CYP2B6: variants seen among roughly 807,000 people sequenced by gnomAD.
CYP2B6 encodes the protein cytochrome P450 family 2 subfamily B member 6.
A neutral mutation model predicts 43.4 loss-of-function variants in CYP2B6; 35 were observed. That is an observed-to-expected ratio of 0.81 (90% CI 0.62 to 1.07). The LOEUF is 1.07. Ranked by LOEUF, CYP2B6 falls within the 50% of genes least tolerant of loss-of-function variation. The probability of loss-of-function intolerance (pLI) is 0.00; values close to 1 mark genes in which losing one functional copy is unlikely to be tolerated. For missense variants in CYP2B6, 624 were observed against 632.8 expected, an observed-to-expected ratio of 0.99 and a Z score of 0.15; for synonymous variants, 239 against 239.2, an observed-to-expected ratio of 1.00 and a Z score of 0.01.
At chr19:40,995,541 T>A (rs909144460) in intron 1 of CYP2B6, among the ~76,000 whole-genome samples, 1 of 152,192 alleles carries the variant, frequency 6.6e-6, no homozygotes, top group African/African-American at 2.4e-5. Flanking sequence ...CATCAACCGA[T>A]GTGTCATCAA....
intron 4 of CYP2B6, 107 bp from the exon 5 acceptor site, chr19:41,009,112 T>TG: frequency 1.2e-6 from 1 of 832,522 alleles, no homozygotes; most frequent in South Asian, 1.4e-5. Context: ...CAGAGGGGAG[T>TG]GGGGAAGTGG....
chr19:41,009,115 G>A, intron 4 of CYP2B6, 104 bp from the exon 5 acceptor site: 1 of 872,736 alleles, frequency 1.1e-6, no homozygotes, highest in Non-Finnish European at 1.9e-6. Flanking sequence ...AGGGGAGTGG[G>A]GAAGTGGGGT....
chr19:40,993,946 GT>G (rs2144656923), intron 1 of CYP2B6, among the ~76,000 whole-genome samples: 1 of 152,180 alleles, frequency 6.6e-6, no homozygotes, highest in East Asian at 1.9e-4. Flanking sequence ...TGCCACAAAT[GT>G]TCTCATCTCA....
intron 3 of CYP2B6, among the ~76,000 whole-genome samples, chr19:41,006,418 T>G (rs1438986783): frequency 6.8e-6 from 1 of 146,978 alleles, no homozygotes; most frequent in South Asian, 2.1e-4. Context: ...GCTCCCGAAG[T>G]GCTGGGTTTA....
intron 1 of CYP2B6, among the ~76,000 whole-genome samples, chr19:40,992,011 G>A (rs1388340159): frequency 6.6e-6 from 1 of 151,976 alleles, no homozygotes; most frequent in African/African-American, 2.4e-5. Flanking sequence ...AGACCAGCCT[G>A]GCCAACATGG....
Position 41,000,862 on chromosome 19 carries a change from A to G in CYP2B6, c.172-3139A>G, listed in dbSNP as rs185963139. ...GAGACCAACCTGACCAACATGGAGA[A>G]ACCCTGTCTGTACTAAAAAACACAA... On this transcript the variant is annotated intron_variant, in intron 1 of 8. Coordinates refer to ENST00000324071, the MANE Select transcript of CYP2B6 (RefSeq NM_000767.5). Among the ~76,000 whole-genome samples the G allele has an allele frequency of 7.0e-4, 106 of 152,096 alleles. 4 individuals are homozygous for G. Among genetic ancestry groups the G allele is most frequent in the African/African-American group, 2.4e-3 (100 of 41,462 alleles).
chr19:41,003,804 C>T (rs1482581465), intron 1 of CYP2B6, 197 bp from the exon 2 acceptor site: 19 of 724,902 alleles, frequency 2.6e-5, no homozygotes, highest in Non-Finnish European at 3.9e-5. Flanking sequence ...ACTAAGAACC[C>T]ATGACTGTAT....
At chr19:40,995,850 AG>A (rs979892823) in intron 1 of CYP2B6, among the ~76,000 whole-genome samples, 15 of 152,274 alleles carry the variant, frequency 9.9e-5, no homozygotes, top group Admixed American at 6.5e-4. Context: ...AGACCAAAAA[AG>A]GTTCAGGAGA....
At chr19:41,010,572 C>T (rs1458808290) in intron 6 of CYP2B6, among the ~76,000 whole-genome samples, 3 of 151,944 alleles carry the variant, frequency 2.0e-5, no homozygotes, top group Non-Finnish European at 4.4e-5. Context: ...TGCCACCACA[C>T]CCGGCTAATT....
rs574081781 is a variant in CYP2B6, at chr19:41,009,540, G to A, written c.822+145G>A. On this transcript the variant is annotated intron_variant, in intron 5 of 8. Coordinates refer to ENST00000324071, the MANE Select transcript of CYP2B6 (RefSeq NM_000767.5). ...GAGGGGAGAATAGGGAAAGGGAGGA[G>A]AGAACATGAGGAAGGAAAGAAAGAT... 71 of 867,924 alleles carry A rather than the reference G, an allele frequency of 8.2e-5. 2 individuals carry two copies. In the South Asian group the frequency reaches 1.1e-3, roughly 13 times the overall value. 53.8% of individuals were successfully genotyped at this position (867,924 alleles called of 1,614,324 possible). A position where few individuals can be genotyped will look rare whatever the true frequency, so the allele number is the denominator to read the frequency against.
intron 1 of CYP2B6, among the ~76,000 whole-genome samples, chr19:40,992,073 G>A (rs1290130753): frequency 6.6e-6 from 1 of 151,764 alleles, no homozygotes; most frequent in Non-Finnish European, 1.5e-5. Context: ...ATAGTGATGC[G>A]TGCCTGTAAT....
chr19:41,018,262 G>C lies in CYP2B6; in HGVS notation c.*1435G>C, dbSNP rs940345999. On this transcript the variant is annotated 3_prime_UTR_variant, in exon 9 of 9. Transcript: ENST00000324071. The stretch of plus-strand genomic sequence containing the variant: ...CCAGCTGCCTCTTCCTACTGCTTCC[G>C]TCTATCAAAAAGCCCCCTTGGCCCA... The C allele has an allele frequency of 3.3e-5, 5 of 152,250 alleles. No individual in the cohort carries two copies. Among genetic ancestry groups the C allele is most frequent in the African/African-American group, 1.2e-4 (5 of 41,416 alleles). 9.4% of individuals were successfully genotyped at this position (152,250 alleles called of 1,614,324 possible). A position where few individuals can be genotyped will look rare whatever the true frequency, so the allele number is the denominator to read the frequency against.
intron 1 of CYP2B6, 164 bp from the exon 2 acceptor site, chr19:41,003,837 C>A: frequency 1.1e-6 from 1 of 897,546 alleles, no homozygotes; most frequent in South Asian, 1.4e-5. Flanking sequence ...ACAGCGTTAA[C>A]CATTAACCCT....
chr19:41,018,016 C>G lies in CYP2B6; in HGVS notation c.*1189C>G, dbSNP rs567303715. 9.9e-5 allele frequency: 15 copies of G among 152,236 alleles called. No individual in the cohort carries two copies. The highest frequency in any genetic ancestry group is 3.6e-4 in the African/African-American group (15 of 41,526). The allele number at this position is 152,236 out of a possible 1,614,324, so 9.4% of individuals were successfully genotyped here. On this transcript the variant is annotated 3_prime_UTR_variant, in exon 9 of 9. Transcript: ENST00000324071. ...TACAGGCATGTACTACCATGCCTGG[C>G]TAATTTTCTTGTAGTTTTAGTAGGG... is the stretch of plus-strand genomic sequence containing the variant.
At chr19:41,012,023 A>G (rs1969292228) in intron 6 of CYP2B6, among the ~76,000 whole-genome samples, 1 of 152,066 alleles carries the variant, frequency 6.6e-6, no homozygotes, top group Non-Finnish European at 1.5e-5. Context: ...ATCTCGGCTC[A>G]CTGCAACCTC....
chr19:41,004,048 G>T lies in CYP2B6; in HGVS notation c.219G>T (p.Arg73Ser). 6.2e-7 allele frequency: 1 copy of T among 1,613,830 alleles called. No individual in the cohort carries two copies. Among genetic ancestry groups the T allele is most frequent in the Non-Finnish European group, 8.5e-7 (1 of 1,179,814 alleles). The part of the protein sequence containing the change: ...GDVFTVHLGP[R>S]PVVMLCGVEA... ...TCTTCACGGTACACCTGGGACCGAG[G>T]CCCGTGGTCATGCTGTGTGGAGTAG... The change falls in exon 2 of 9, where the codon AGG becomes AGT. Residue 73 changes from arginine to serine, a missense_variant. Arg to Ser is a moderately radical substitution (Grantham distance 110). Transcript: ENST00000324071.
chr19:40,998,746 A>T (rs1260553520), intron 1 of CYP2B6, among the ~76,000 whole-genome samples: 1 of 127,494 alleles, frequency 7.8e-6, no homozygotes, highest in African/African-American at 3.0e-5. Context: ...CCTACAAAGG[A>T]CATGAACTCA....
intron 6 of CYP2B6, among the ~76,000 whole-genome samples, chr19:41,010,576 G>A (rs1327887622): frequency 5.9e-5 from 9 of 151,830 alleles, no homozygotes; most frequent in Admixed American, 5.9e-4. Context: ...ACCACACCCG[G>A]CTAATTTTTT....
rs140071764 is a variant in CYP2B6, at chr19:40,993,772, G to C, written c.171+2296G>C. 1.8e-3 allele frequency among the ~76,000 whole-genome samples: 268 copies of C among 152,258 alleles called. 1 individual carries two copies. The highest frequency in any genetic ancestry group is 6.1e-3 in the African/African-American group (252 of 41,528). On this transcript the variant is annotated intron_variant, in intron 1 of 8. Coordinates refer to ENST00000324071, the MANE Select transcript of CYP2B6 (RefSeq NM_000767.5). ...CTTAGTGTATTTGTGGCAGTGTCTA[G>C]AGAAACAGCAGTGTCAGCCGCATTT...
Sources: allele counts gnomAD v4.1 joint callset (sites outside exome capture counted in the v4.1 genomes callset), GRCh38; gene constraint gnomAD v4.1.1; transcripts MANE v1.5; gene names NCBI Gene and HGNC (gene_info 2026-07-23, HGNC 2026-07-21).